The following UBR4 variants were observed in gnomAD, a reference collection of about 807,000 sequenced individuals.
UBR4 encodes the protein E3 ubiquitin-protein ligase UBR4.
UBR4 carries 124 observed loss-of-function variants against 575.6 expected under a neutral mutation model. The observed-to-expected ratio is 0.22, with a 90% confidence interval of 0.19 to 0.25. The LOEUF (loss-of-function observed/expected upper bound fraction) is 0.25, where lower values mean the gene tolerates loss of function less well. UBR4 is among the 10% of genes least tolerant of loss of function. UBR4 has a pLI of 1.00. For missense variants in UBR4, 4,818 were observed against 6,478.8 expected, an observed-to-expected ratio of 0.74 and a Z score of 8.80; for synonymous variants, 2,455 against 2,473.7, an observed-to-expected ratio of 0.99 and a Z score of 0.22.
intron 1 of UBR4, among the ~76,000 whole-genome samples, chr1:19,208,405 T>C (rs534625574): frequency 4.3e-5 from 6 of 139,748 alleles, no homozygotes; most frequent in African/African-American, 1.6e-4. Context: ...AGGTGGAGCT[T>C]GCAGTGAGCT....
chr1:19,207,404 G>A (rs1445008594), intron 1 of UBR4, among the ~76,000 whole-genome samples: 4 of 152,188 alleles, frequency 2.6e-5, no homozygotes, highest in Admixed American at 6.5e-5. Context: ...CAAGGCGGGC[G>A]GATCACCTGC....
chr1:19,210,048 GC>G (rs1258076436), intron 1 of UBR4, 24 bp downstream of exon 1: 1 of 1,525,228 alleles, frequency 6.6e-7, no homozygotes, highest in Non-Finnish European at 8.8e-7. Context: ...CAACAGCGTC[GC>G]CCGCCAGAGC....
chr1:19,177,771 T>A, intron 18 of UBR4, 28 bp from the exon 19 acceptor site: 1 of 1,600,226 alleles, frequency 6.2e-7, no homozygotes, highest in Non-Finnish European at 8.5e-7. Context: ...TGACTATATC[T>A]GGTGGGAAAA....
intron 70 of UBR4, 52 bp downstream of exon 70, chr1:19,119,505 A>G: frequency 6.3e-7 from 1 of 1,585,750 alleles, no homozygotes; most frequent in Non-Finnish European, 8.6e-7. Flanking sequence ...ACTCAAGAGA[A>G]AAAAGGTTAA....
chr1:19,187,496 G>T lies in UBR4; in HGVS notation c.1439C>A (p.Ala480Asp), dbSNP rs2091660253. ...GVLSVILANH[A>D]IKLLTSLFQD... ...AAAGAGAGACGTTAGCAGTTTGATG[G>T]CATGGTTTGCCAATATTACTGAGAG... is the stretch of plus-strand genomic sequence containing the variant. The change falls in exon 12 of 106, where the codon GCC becomes GAC. Residue 480 changes from alanine (A) to aspartate (D), a missense_variant. By Grantham distance (126) the Ala-to-Asp change is moderately radical (BLOSUM62 -2). This residue lies in a region of UBR4 where 162 missense variants were observed against 216.4 expected (regional missense o/e 0.75). Coordinates refer to ENST00000375254, the MANE Select transcript of UBR4 (RefSeq NM_020765.3). 1 of 1,613,840 alleles carries T rather than the reference G, an allele frequency of 6.2e-7. No individual in the cohort carries two copies.
At chr1:19,124,422 G>A in intron 65 of UBR4, 119 bp downstream of exon 65, 3 of 1,366,012 alleles carry the variant, frequency 2.2e-6, no homozygotes, top group Non-Finnish European at 3.0e-6. Context: ...GACCTACAAA[G>A]GTGAAAGGGA....
rs780150155 is a variant in UBR4 at position 19,084,711 on chromosome 1, A to G, written c.14814-13T>C. ...GTAAGTGTTGTGTCTAGAGGGAAGC[A>G]GAACAAACAATGAAATGGAAGTGAG... On this transcript the variant is annotated splice_polypyrimidine_tract_variant and intron_variant, in intron 101 of 105. Transcript: ENST00000375254. The G allele has an allele frequency of 6.3e-7, 1 of 1,582,726 alleles. No homozygotes were observed. The highest frequency in any genetic ancestry group is 8.6e-7 in the Non-Finnish European group (1 of 1,158,624).
intron 90 of UBR4, among the ~76,000 whole-genome samples, chr1:19,098,999 G>C (rs1159185585): frequency 9.9e-5 from 15 of 152,186 alleles, no homozygotes; most frequent in Non-Finnish European, 2.9e-5. Flanking sequence ...CAGAGAGTAA[G>C]AAAGGAGGGA....
intron 100 of UBR4, among the ~76,000 whole-genome samples, 190 bp downstream of exon 100, chr1:19,086,489 T>C (rs2077030527): frequency 6.6e-6 from 1 of 152,228 alleles, no homozygotes; most frequent in Non-Finnish European, 1.5e-5. Flanking sequence ...TCACTAGCCT[T>C]GGGCCCAGGC....
At chr1:19,113,374 A>C in intron 77 of UBR4, 1 of 345,220 alleles carries the variant, frequency 2.9e-6, no homozygotes, top group Non-Finnish European at 5.3e-6. Context: ...GAGGGAACAG[A>C]ATCTTGGCAT....
chr1:19,090,609 ATT>A (rs1003757310), intron 97 of UBR4, among the ~76,000 whole-genome samples: 4 of 152,100 alleles, frequency 2.6e-5, no homozygotes, highest in African/African-American at 9.7e-5. Context: ...ACTACTCTGT[ATT>A]TGGCTCTATC....
chr1:19,157,066 C>A lies in UBR4; in HGVS notation c.5761-141G>T. 1.1e-6 allele frequency: 1 copy of A among 913,722 alleles called. No homozygotes were observed. Among genetic ancestry groups the A allele is most frequent in the Non-Finnish European group, 1.6e-6 (1 of 626,168 alleles). 56.6% of individuals were successfully genotyped at this position (913,722 alleles called of 1,614,324 possible). ...ATAAGTCTAGTAGAAAATCCTAGATCAGTATTAGTCTCTATTACTCCTGGC... is the reference window on the plus strand; with the variant it reads ...ATAAGTCTAGTAGAAAATCCTAGATAAGTATTAGTCTCTATTACTCCTGGC... On this transcript the variant is annotated intron_variant, in intron 40 of 105. Transcript: ENST00000375254. This position sits in a 1 kb window ranked among gnomAD's most constrained non-coding sequence, Gnocchi z 4.4.
chr1:19,078,119 A>T (rs1228756021), intron 103 of UBR4, 53 bp from the exon 104 acceptor site: 1 of 1,577,374 alleles, frequency 6.3e-7, no homozygotes, highest in African/African-American at 1.3e-5. Context: ...GGATACTCAC[A>T]AGGACAGAGC....
At chr1:19,167,368 C>A in intron 28 of UBR4, 137 bp from the exon 29 acceptor site, 2 of 765,326 alleles carry the variant, frequency 2.6e-6, no homozygotes, top group Non-Finnish European at 2.1e-6. Flanking sequence ...CAGTCTTTTT[C>A]CCATGATAGC....
Position 19,186,870 on chromosome 1 carries a change from G to A in UBR4, c.1633-213C>T, listed in dbSNP as rs188194468. ...TTGAAAACAGGAGTGTTTCCATAGT[G>A]TCCTCTATGCTTCTGCTTCAGTATG... On this transcript the variant is annotated intron_variant, in intron 13 of 105. Coordinates refer to ENST00000375254, the MANE Select transcript of UBR4 (RefSeq NM_020765.3). 1.2e-3 allele frequency among the ~76,000 whole-genome samples: 187 copies of A among 152,068 alleles called. 1 individual carries two copies. Among genetic ancestry groups the A allele is most frequent in the African/African-American group, 4.4e-3 (181 of 41,504 alleles).
At chr1:19,149,399 G>A (rs2085332277) in intron 49 of UBR4, among the ~76,000 whole-genome samples, 1 of 152,166 alleles carries the variant, frequency 6.6e-6, no homozygotes, top group South Asian at 2.1e-4. Flanking sequence ...AGAGGAAACT[G>A]AGGCATAAAA....
chr1:19,106,524 G>C (rs760799560), intron 83 of UBR4, 45 bp downstream of exon 83: 11 of 1,508,934 alleles, frequency 7.3e-6, no homozygotes, highest in Admixed American at 2.3e-5. Flanking sequence ...TCAGAGTCTG[G>C]GGTCAGGGGC....
intron 66 of UBR4, 21 bp downstream of exon 66, chr1:19,122,812 A>C: frequency 6.2e-7 from 1 of 1,613,894 alleles, no homozygotes; most frequent in East Asian, 2.2e-5. Flanking sequence ...TCCCTGCCCT[A>C]CCAGGTCCCA....
In UBR4 at chr1:19,168,059, G is replaced by A; in HGVS notation, c.3867C>T (p.Leu1289=). 1 of 1,613,670 alleles carries A rather than the reference G, an allele frequency of 6.2e-7. No homozygotes were observed. The highest frequency in any genetic ancestry group is 8.5e-7 in the Non-Finnish European group (1 of 1,179,642). The stretch of plus-strand genomic sequence containing the variant: ...GATCTCCAGTCAACCTGACCAGTGA[G>A]AGGAGGGTATGCTTCAGGGAAGCAG... ...PLAASLKHTL[L]SLVRLTGDLI... is the part of the protein sequence containing the mutation. The change falls in exon 28 of 106, where the codon CTC becomes CTT. Residue 1289 remains leucine, a synonymous_variant. Coordinates refer to ENST00000375254, the MANE Select transcript of UBR4 (RefSeq NM_020765.3).
Sources: allele counts gnomAD v4.1 joint callset (sites outside exome capture counted in the v4.1 genomes callset), GRCh38; gene constraint gnomAD v4.1.1; regional missense constraint gnomAD v4.1.1; non-coding constraint Gnocchi (gnomAD v3.1); transcripts MANE v1.5; gene names NCBI Gene and HGNC (gene_info 2026-07-23, HGNC 2026-07-21).